Variants in CACNA2D2 observed in about 807,000 individuals in gnomAD.
CACNA2D2 encodes voltage-dependent calcium channel subunit alpha-2/delta-2.
In CACNA2D2, 48 loss-of-function variants were observed where a neutral mutation model predicts 166.4. That is an observed-to-expected ratio of 0.29 (90% CI 0.23 to 0.37). The LOEUF is 0.37. CACNA2D2 is among the 10% of genes least tolerant of loss of function. CACNA2D2 has a pLI of 1.00. For synonymous variants in CACNA2D2, 561 were observed against 573.7 expected, an observed-to-expected ratio of 0.98 and a Z score of 0.32; for missense variants, 1,122 against 1,433.0, an observed-to-expected ratio of 0.78 and a Z score of 3.50.
At chr3:50,481,963 C>A (rs1698073737) in intron 1 of CACNA2D2, among the ~76,000 whole-genome samples, 2 of 152,136 alleles carry the variant, frequency 1.3e-5, no homozygotes, top group African/African-American at 4.8e-5. Flanking sequence ...CCACTGTATT[C>A]CAGCGTGGGT....
At chr3:50,438,845 A>G (rs1708465834) in intron 2 of CACNA2D2, among the ~76,000 whole-genome samples, 1 of 152,178 alleles carries the variant, frequency 6.6e-6, no homozygotes, top group Non-Finnish European at 1.5e-5. Flanking sequence ...AGGGGAAAGG[A>G]GAGTGGGGAA....
rs1705233774 is a variant in CACNA2D2 at position 50,380,299 on chromosome 3, T to C, written c.843-281A>G. On this transcript the variant is annotated intron_variant, in intron 8 of 37. Coordinates refer to ENST00000424201, the MANE Select transcript of CACNA2D2 (RefSeq NM_006030.4). This position sits in a 1 kb window ranked among gnomAD's most constrained non-coding sequence, Gnocchi z 4.9. ...CACATTCCCTGGCTTCAGTGGCTTG[T>C]TGTGTCCTCTGCCTCAGGTTGGGGC... is the stretch of plus-strand genomic sequence containing the variant. Among the ~76,000 whole-genome samples, 1 of 152,182 alleles carries C rather than the reference T, an allele frequency of 6.6e-6. No homozygotes were observed. Among genetic ancestry groups the C allele is most frequent in the South Asian group, 2.1e-4 (1 of 4,830 alleles).
In CACNA2D2 at chr3:50,380,786, G is replaced by T; in HGVS notation, c.804C>A (p.Pro268=). The change falls in exon 8 of 38, where the codon CCC becomes CCA. Residue 268 remains proline (P), a synonymous_variant. Transcript: ENST00000424201. This position sits in a 1 kb window ranked among gnomAD's most constrained non-coding sequence, Gnocchi z 4.9. The part of the protein sequence containing the change: ...RYYPATPWRA[P]KKIDLYDVRR... ...GGACATCGTACAGGTCGATCTTCTT[G>T]GGGGCTCGCCACGGGGTGGCTGAGG... 1 of 1,549,390 alleles carries T rather than the reference G, an allele frequency of 6.5e-7. No individual in the cohort carries two copies.
In CACNA2D2 at chr3:50,365,524, G is replaced by C. The variant is rs1704206730; in HGVS notation, c.2972-42C>G. On this transcript the variant is annotated intron_variant, in intron 34 of 37. Transcript: ENST00000424201. The surrounding 1 kb of genome is among the most constrained non-coding windows in gnomAD (Gnocchi z 4.5). ...CGCCTCAGCTCCGCCCACAGACCCTGGCAAGGTCTCCGGCCTCCCTCAGTC... is the reference window on the plus strand; with the variant it reads ...CGCCTCAGCTCCGCCCACAGACCCTCGCAAGGTCTCCGGCCTCCCTCAGTC... 1 of 1,606,262 alleles carries C rather than the reference G, an allele frequency of 6.2e-7. No individual in the cohort carries two copies.
chr3:50,424,456 G>A (rs909799238), intron 3 of CACNA2D2, among the ~76,000 whole-genome samples: 9 of 152,132 alleles, frequency 5.9e-5, no homozygotes, highest in Non-Finnish European at 1.0e-4. Flanking sequence ...ACACACGCAC[G>A]CGCTCTCCAC....
chr3:50,502,674 C>CTTCT (rs1401810995), intron 1 of CACNA2D2, among the ~76,000 whole-genome samples: 2 of 152,224 alleles, frequency 1.3e-5, no homozygotes, highest in African/African-American at 4.8e-5. Context: ...GGGACACTGC[C>CTTCT]TCTGTGGCAC....
intron 22 of CACNA2D2, among the ~76,000 whole-genome samples, chr3:50,370,713 C>T (rs961809442): frequency 6.6e-6 from 1 of 152,054 alleles, no homozygotes; most frequent in African/African-American, 2.4e-5. Context: ...GACACACACA[C>T]ACACATATAT....
rs987200248 is a variant in CACNA2D2, at chr3:50,362,971, A to T, written c.*1695T>A. On this transcript the variant is annotated 3_prime_UTR_variant, in exon 38 of 38. Coordinates refer to ENST00000424201, the MANE Select transcript of CACNA2D2 (RefSeq NM_006030.4). ...ATAGAACAACAAAAAAAGGGCAGAG[A>T]AAAGGAAATGGCCCCCCAGTCCCCC... The T allele has an allele frequency of 5.0e-6, 2 of 397,618 alleles. No homozygotes were observed. Among genetic ancestry groups the T allele is most frequent in the Admixed American group, 8.8e-5 (2 of 22,728 alleles). 24.6% of individuals were successfully genotyped at this position (397,618 alleles called of 1,614,324 possible). A position where few individuals can be genotyped will look rare whatever the true frequency, so the allele number is the denominator to read the frequency against.
chr3:50,370,425 G>A, intron 22 of CACNA2D2, 45 bp from the exon 23 acceptor site: 1 of 932,612 alleles, frequency 1.1e-6, no homozygotes, highest in Non-Finnish European at 1.7e-6. Context: ...TGGGGAGGCT[G>A]GAGGCCGGGG....
rs1305184689 is a variant in CACNA2D2 at position 50,376,246 on chromosome 3, T to C, written c.1627-58A>G. The C allele has an allele frequency of 6.4e-7, 1 of 1,565,004 alleles. No homozygotes were observed. Among genetic ancestry groups the C allele is most frequent in the Non-Finnish European group, 8.8e-7 (1 of 1,140,960 alleles). Reference sequence around the variant, plus strand: ...AGGGATGGGCTGGGGTTCCCTGGGCTCCGGAGTTCTTCCCTATTTGGCCTC... The same window carrying C: ...AGGGATGGGCTGGGGTTCCCTGGGCCCCGGAGTTCTTCCCTATTTGGCCTC... On this transcript the variant is annotated intron_variant, in intron 17 of 37. Coordinates refer to ENST00000424201, the MANE Select transcript of CACNA2D2 (RefSeq NM_006030.4). The surrounding 1 kb of genome is among the most constrained non-coding windows in gnomAD (Gnocchi z 4.3).
chr3:50,497,349 C>T (rs1329454524), intron 1 of CACNA2D2, among the ~76,000 whole-genome samples: 1 of 152,228 alleles, frequency 6.6e-6, no homozygotes, highest in Non-Finnish European at 1.5e-5. Context: ...CTGGGCTTGC[C>T]CTTGACAGAG....
chr3:50,472,185 C>G (rs1710127194), intron 2 of CACNA2D2, among the ~76,000 whole-genome samples: 1 of 152,218 alleles, frequency 6.6e-6, no homozygotes, highest in Non-Finnish European at 1.5e-5. Context: ...CTGGTGGAGA[C>G]AGCAGCCAGG....
At chr3:50,433,756 T>A (rs1274428057) in intron 3 of CACNA2D2, among the ~76,000 whole-genome samples, 1 of 152,096 alleles carries the variant, frequency 6.6e-6, no homozygotes, top group Non-Finnish European at 1.5e-5. Context: ...AGAACTATAG[T>A]GGTCTGAGGC....
At chr3:50,481,602 C>T (rs755029884) in intron 1 of CACNA2D2, among the ~76,000 whole-genome samples, 1 of 152,178 alleles carries the variant, frequency 6.6e-6, no homozygotes, top group Non-Finnish European at 1.5e-5. Context: ...GCCAAGTGCA[C>T]GGTGAAGCAA....
At chr3:50,475,494 G>A (rs1175046699) in intron 2 of CACNA2D2, among the ~76,000 whole-genome samples, 1 of 152,176 alleles carries the variant, frequency 6.6e-6, no homozygotes, top group East Asian at 1.9e-4. Context: ...CACGTAGAGA[G>A]CAATGGCTCA....
At position 50,365,474 on chromosome 3, in the gene CACNA2D2, C is replaced by T; in HGVS notation, c.2980G>A (p.Glu994Lys). ...CGCGTCTCGGGGCTCCCCTCGGCCT[C>T]CGCGGGGTCTGCGAGGGCCCAGAGC... ...YHSWFQADPA[E>K]AEGSPETRES... is the part of the protein sequence containing the mutation. Residue 994 changes from glutamate (E) to lysine (K), a missense_variant, in exon 35 of 38, where the codon GAG becomes AAG. By Grantham distance (56) the Glu-to-Lys change is moderately conservative. Coordinates refer to ENST00000424201, the MANE Select transcript of CACNA2D2 (RefSeq NM_006030.4). The surrounding 1 kb of genome is among the most constrained non-coding windows in gnomAD (Gnocchi z 4.5). The T allele has an allele frequency of 6.2e-7, 1 of 1,613,362 alleles. No homozygotes were observed. Among genetic ancestry groups the T allele is most frequent in the Non-Finnish European group, 8.5e-7 (1 of 1,179,870 alleles).
chr3:50,430,781 ACT>A (rs1262685193), intron 3 of CACNA2D2, among the ~76,000 whole-genome samples: 4 of 151,958 alleles, frequency 2.6e-5, no homozygotes, highest in African/African-American at 9.7e-5. Context: ...AGGACTCAAG[ACT>A]CTGAGAGAGT....
rs139760691 is a variant in CACNA2D2, at chr3:50,363,605, G to C, written c.*1061C>G. The C allele has an allele frequency of 8.0e-6, 2 of 250,286 alleles. No homozygotes were observed. Among genetic ancestry groups the C allele is most frequent in the African/African-American group, 4.4e-5 (2 of 45,160 alleles). 15.5% of individuals were successfully genotyped at this position (250,286 alleles called of 1,614,324 possible). A position where few individuals can be genotyped will look rare whatever the true frequency, so the allele number is the denominator to read the frequency against. On this transcript the variant is annotated 3_prime_UTR_variant, in exon 38 of 38. Coordinates refer to ENST00000424201, the MANE Select transcript of CACNA2D2 (RefSeq NM_006030.4). ...GTGTGTAAGGGCCAGATTGGCGGAA[G>C]GATGGCCCAGCCAGGAGAGACAAAG...
chr3:50,399,393 G>A (rs1419019216), intron 3 of CACNA2D2, among the ~76,000 whole-genome samples: 1 of 152,208 alleles, frequency 6.6e-6, no homozygotes, highest in East Asian at 1.9e-4. Context: ...TAGAAGAAAA[G>A]GCTCTGAACC....
Sources: gnomAD v4.1 joint callset for allele counts (sites outside exome capture counted in the v4.1 genomes callset) on GRCh38, gnomAD v4.1.1 for gene constraint, Gnocchi (gnomAD v3.1) non-coding constraint, MANE v1.5 for transcripts, NCBI Gene and HGNC (gene_info 2026-07-23, HGNC 2026-07-21) for gene names.